AGBL5: variants seen among roughly 807,000 people sequenced by gnomAD.
The protein encoded by AGBL5 is cytosolic carboxypeptidase-like protein 5.
Under a neutral mutation model 88.0 loss-of-function variants are expected in AGBL5, and 51 were observed. The ratio of observed to expected loss-of-function variants is 0.58; its 90% CI spans 0.46 to 0.73. The LOEUF is 0.73. Ranked by LOEUF, AGBL5 falls within the 30% of genes least tolerant of loss-of-function variation. The pLI, the probability that AGBL5 is intolerant of heterozygous loss-of-function variation, is 0.00. For synonymous variants in AGBL5, 446 were observed against 438.8 expected (o/e 1.02, Z -0.21); for missense variants, 1,031 against 1,162.2 (o/e 0.89, Z 1.64).
At chr2:27,064,388 C>G (rs1283411769) in intron 11 of AGBL5, among the ~76,000 whole-genome samples, 1 of 151,824 alleles carries the variant, frequency 6.6e-6, no homozygotes, top group Non-Finnish European at 1.5e-5. Flanking sequence ...CTTCGTGTCC[C>G]TGGCTCAAGT....
At chr2:27,059,892 T>C (rs1668627798) in intron 11 of AGBL5, among the ~76,000 whole-genome samples, 1 of 152,216 alleles carries the variant, frequency 6.6e-6, no homozygotes, top group Non-Finnish European at 1.5e-5. Flanking sequence ...CTCATGCTTA[T>C]AATCCCAGCA....
Position 27,067,639 on chromosome 2 carries a change from C to T in AGBL5, c.2235C>T (p.Asn745=), listed in dbSNP as rs746848410. ...CCTGTCTACTGCCTGATTCATTCAA[C>T]ATACCAGGTCTGTACCCACTGCCAC... The part of the protein sequence containing the change: ...LGSCLLPDSF[N]IPGSSCSLLS... The change falls in exon 12 of 15, where the codon AAC becomes AAT. Residue 745 remains asparagine, a synonymous_variant. Coordinates refer to ENST00000360131, the MANE Select transcript of AGBL5 (RefSeq NM_021831.6). 5.0e-6 allele frequency: 8 copies of T among 1,613,038 alleles called. No homozygotes were observed. The highest frequency in any genetic ancestry group is 6.8e-6 in the Non-Finnish European group (8 of 1,179,180).
intron 4 of AGBL5, 131 bp downstream of exon 4, chr2:27,054,190 G>A (rs2148271346): frequency 8.6e-7 from 1 of 1,164,954 alleles, no homozygotes; most frequent in South Asian, 1.6e-5. Context: ...TGTACAGACA[G>A]GACTTTGGGT....
At chr2:27,056,814 A>G (rs1391656851) in intron 8 of AGBL5, 22 bp downstream of exon 8, 2 of 1,577,636 alleles carry the variant, frequency 1.3e-6, no homozygotes, top group Non-Finnish European at 1.7e-6. Context: ...GCTGAGATAT[A>G]GTTGATGAAA....
At chr2:27,057,538 C>T in intron 9 of AGBL5, 100 bp downstream of exon 9, 8 of 1,347,536 alleles carry the variant, frequency 5.9e-6, no homozygotes, top group Non-Finnish European at 8.1e-6. Context: ...AAGAGATATT[C>T]ATCACTATGG....
chr2:27,068,531 C>T, intron 12 of AGBL5, 101 bp from the exon 13 acceptor site: 1 of 988,884 alleles, frequency 1.0e-6, no homozygotes, highest in Non-Finnish European at 1.5e-6. Context: ...AATTATCCAA[C>T]CCAAATTGTC....
In AGBL5 at chr2:27,053,414, C is replaced by T; in HGVS notation, c.228C>T (p.Tyr76=). 1.9e-6 allele frequency: 3 copies of T among 1,614,090 alleles called. No individual in the cohort carries two copies. The highest frequency in any genetic ancestry group is 2.5e-6 in the Non-Finnish European group (3 of 1,179,986). ...EFENGNRSWF[Y]FSVRGGMPGK... ...CTCTGGTCCTCAGGTCATGGTTCTA[C>T]TTCAGCGTCCGGGGAGGAATGCCAG... Residue 76 remains tyrosine (Y), a synonymous_variant, in exon 3 of 15, where the codon TAC becomes TAT. Transcript: ENST00000360131. This position sits in a 1 kb window ranked among gnomAD's most constrained non-coding sequence, Gnocchi z 4.9.
chr2:27,063,953 C>T (rs1259340055), intron 11 of AGBL5, among the ~76,000 whole-genome samples: 1 of 152,202 alleles, frequency 6.6e-6, no homozygotes, highest in African/African-American at 2.4e-5. Context: ...TGCACTCTTG[C>T]TTGTTCTTTC....
At chr2:27,057,251 C>G in intron 8 of AGBL5, 52 bp from the exon 9 acceptor site, 1 of 1,557,906 alleles carries the variant, frequency 6.4e-7, no homozygotes, top group East Asian at 2.3e-5. Flanking sequence ...CTCTATGGTT[C>G]TGTCCTGGTA....
At position 27,053,359 on chromosome 2, in the gene AGBL5, A is replaced by C. The variant is rs1231059276; in HGVS notation, c.216-43A>C. On this transcript the variant is annotated intron_variant, in intron 2 of 14. Coordinates refer to ENST00000360131, the MANE Select transcript of AGBL5 (RefSeq NM_021831.6). This position sits in a 1 kb window ranked among gnomAD's most constrained non-coding sequence, Gnocchi z 4.9. ...GGCTCTCCCACAGACCATATCTCCAACCCTTCCACACGTAATGACCTCTCT... is the reference window on the plus strand; with the variant it reads ...GGCTCTCCCACAGACCATATCTCCACCCCTTCCACACGTAATGACCTCTCT... 1 of 1,598,616 alleles carries C rather than the reference A, an allele frequency of 6.3e-7. No homozygotes were observed. The highest frequency in any genetic ancestry group is 8.5e-7 in the Non-Finnish European group (1 of 1,171,238).
intron 12 of AGBL5, 100 bp from the exon 13 acceptor site, chr2:27,068,532 C>T (rs1237058075): frequency 1.0e-6 from 1 of 1,004,570 alleles, no homozygotes; most frequent in South Asian, 1.5e-5. Flanking sequence ...ATTATCCAAC[C>T]CAAATTGTCA....
In AGBL5 at chr2:27,055,928, C is replaced by A; in HGVS notation, c.1155C>A (p.Asn385Lys). The A allele has an allele frequency of 6.2e-7, 1 of 1,614,186 alleles. No homozygotes were observed. The highest frequency in any genetic ancestry group is 1.1e-5 in the South Asian group (1 of 91,078). Residue 385 changes from asparagine to lysine, a missense_variant, in exon 7 of 15, where the codon AAC (asparagine) becomes AAA (lysine). Transcript: ENST00000360131. ...GTGGGCACTCAGCTGACAGGCATAA[C>A]GCTGAAGCCTGGAAACAAACAGAGC... ...AQCGHSADRH[N>K]AEAWKQTEPA...
rs747384000 is a variant in AGBL5, at chr2:27,052,930, G to T, written c.-29G>T. The T allele has an allele frequency of 9.0e-6, 14 of 1,563,898 alleles. No homozygotes were observed. The East Asian group carries it at 3.2e-4, about 36-fold the overall frequency. ...TCCCCCAGCTCTCAGGGCCAGAGCG[G>T]GGCAGGAGGATGCTTTCCCAGCCCC... is the stretch of plus-strand genomic sequence containing the variant. On this transcript the variant is annotated 5_prime_UTR_variant, in exon 2 of 15. Coordinates refer to ENST00000360131, the MANE Select transcript of AGBL5 (RefSeq NM_021831.6).
chr2:27,055,716 T>G lies in AGBL5; in HGVS notation c.943T>G (p.Tyr315Asp). The G allele has an allele frequency of 1.2e-6, 2 of 1,614,116 alleles. No homozygotes were observed. The highest frequency in any genetic ancestry group is 1.7e-6 in the Non-Finnish European group (2 of 1,180,026). Residue 315 changes from tyrosine to aspartate, a missense_variant, in exon 7 of 15, where the codon TAC becomes GAC. This residue lies in a region of AGBL5 where 540 missense variants were observed against 678.2 expected (regional missense o/e 0.80). Transcript: ENST00000360131. ...DSRGVNLNRQ[Y>D]LKPDAVLHPA... is the part of the protein sequence containing the mutation. ...ACGTGGAGTGAATCTGAACCGTCAG[T>G]ACCTGAAGCCTGATGCCGTCCTGCA...
At chr2:27,054,848 C>G (rs375065898) in intron 5 of AGBL5, 41 bp downstream of exon 5, 3 of 1,592,926 alleles carry the variant, frequency 1.9e-6, no homozygotes, top group African/African-American at 1.3e-5. Context: ...TGGCTTTTCT[C>G]TAGCACCAGG....
In AGBL5 at chr2:27,067,638, A is replaced by G; in HGVS notation, c.2234A>G (p.Asn745Ser). The G allele has an allele frequency of 1.9e-6, 3 of 1,612,950 alleles. No homozygotes were observed. Among genetic ancestry groups the G allele is most frequent in the Non-Finnish European group, 2.5e-6 (3 of 1,179,172 alleles). Residue 745 changes from asparagine to serine, a missense_variant, in exon 12 of 15, where the codon AAC becomes AGC. Around this residue, in one of 2 missense-constraint regions of AGBL5, gnomAD observed 491 missense variants for 484.0 expected, o/e 1.01. Coordinates refer to ENST00000360131, the MANE Select transcript of AGBL5 (RefSeq NM_021831.6). ...TCCTGTCTACTGCCTGATTCATTCA[A>G]CATACCAGGTCTGTACCCACTGCCA... is the stretch of plus-strand genomic sequence containing the variant. ...LGSCLLPDSF[N>S]IPGSSCSLLS...
At chr2:27,059,918 GCAGA>G (rs1337038151) in intron 11 of AGBL5, among the ~76,000 whole-genome samples, 9 of 152,188 alleles carry the variant, frequency 5.9e-5, no homozygotes, top group Admixed American at 4.6e-4. Context: ...GGAGGCTGAG[GCAGA>G]CAGATCACTT....
intron 11 of AGBL5, among the ~76,000 whole-genome samples, chr2:27,063,435 A>G (rs944709229): frequency 1.3e-5 from 2 of 152,068 alleles, no homozygotes; most frequent in Admixed American, 1.3e-4. Flanking sequence ...CTCTACTAAA[A>G]ATACAAAAAA....
intron 13 of AGBL5, 90 bp from the exon 14 acceptor site, chr2:27,069,481 AAC>A: frequency 1.9e-6 from 3 of 1,555,768 alleles, no homozygotes; most frequent in Non-Finnish European, 2.6e-6. Flanking sequence ...CCTATACTAC[AAC>A]ACTCTTATGC....
Sources: allele counts gnomAD v4.1 joint callset (sites outside exome capture counted in the v4.1 genomes callset), GRCh38; gene constraint gnomAD v4.1.1; regional missense constraint gnomAD v4.1.1; non-coding constraint Gnocchi (gnomAD v3.1); transcripts MANE v1.5; gene names NCBI Gene and HGNC (gene_info 2026-07-23, HGNC 2026-07-21).